MCU: variants seen among roughly 807,000 people sequenced by gnomAD.
MCU encodes calcium uniporter protein, mitochondrial.
Under a neutral mutation model 45.2 loss-of-function variants are expected in MCU, and 12 were observed. The observed-to-expected ratio is 0.27, with a 90% CI of 0.17 to 0.43. MCU has a LOEUF of 0.43. Among genes scored for constraint, MCU ranks in the 20% least tolerant of loss-of-function variants. The probability of loss-of-function intolerance (pLI) is 1.00; values close to 1 mark genes in which losing one functional copy is unlikely to be tolerated. For synonymous variants in MCU, 160 were observed against 165.1 expected, an observed-to-expected ratio of 0.97 and a Z score of 0.24; for missense variants, 324 against 436.7, an observed-to-expected ratio of 0.74 and a Z score of 2.30.
chr10:72,712,649 A>G (rs1257450212), intron 1 of MCU, among the ~76,000 whole-genome samples: 2 of 152,206 alleles, frequency 1.3e-5, no homozygotes, highest in African/African-American at 4.8e-5. Context: ...AAAGAAAAGT[A>G]AGGTCTAGAA....
chr10:72,737,667 G>A (rs1263767145), intron 1 of MCU, among the ~76,000 whole-genome samples: 4 of 151,830 alleles, frequency 2.6e-5, no homozygotes, highest in Admixed American at 6.6e-5. Flanking sequence ...CTGCAGGTGC[G>A]CACCACTATG....
chr10:72,692,330 G>C (rs913542166), intron 1 of MCU, 29 bp downstream of exon 1: 2 of 1,196,612 alleles, frequency 1.7e-6, no homozygotes, highest in Non-Finnish European at 2.1e-6. Flanking sequence ...AGGCTCCGGG[G>C]AGGGCGGGGC....
chr10:72,759,175 C>T (rs1350873904), intron 1 of MCU, among the ~76,000 whole-genome samples: 1 of 152,174 alleles, frequency 6.6e-6, no homozygotes, highest in Non-Finnish European at 1.5e-5. Flanking sequence ...GGCAAGACTC[C>T]TGTCTCGAGA....
At chr10:72,700,856 T>A (rs1000875492) in intron 1 of MCU, among the ~76,000 whole-genome samples, 2 of 152,208 alleles carry the variant, frequency 1.3e-5, no homozygotes, top group African/African-American at 4.8e-5. Flanking sequence ...TTTTTATGTA[T>A]TTTTTCTTGC....
At chr10:72,780,511 A>AGAGTGTGTGTGTGTGTGTGTGT (rs778332838) in intron 1 of MCU, among the ~76,000 whole-genome samples, 3 of 110,584 alleles carry the variant, frequency 2.7e-5, no homozygotes, top group East Asian at 7.6e-4. Flanking sequence ...TCTTTGGCTA[A>AGAGTGTGTGTGTGTGTGTGTGT]GTGTGTGTGT....
rs1435890480 is a variant in MCU, at chr10:72,704,704, A to ACTTTTTTTTTT, written c.150+12403_150+12404insCTTTTTTTTTT. ...AGGCATGCACTGTCATGCCTGGATA[A>ACTTTTTTTTTT]TTTTTTTTTTTTTTTTTTTTTTTTT... is the stretch of plus-strand genomic sequence containing the variant. On this transcript the variant is annotated intron_variant, in intron 1 of 7. Transcript: ENST00000373053. Among the ~76,000 whole-genome samples, 4 of 106,746 alleles carry ACTTTTTTTTTT rather than the reference A, an allele frequency of 3.7e-5. 1 individual carries two copies. The highest frequency in any genetic ancestry group is 1.0e-4 in the Admixed American group (1 of 10,042). 70.0% of individuals were successfully genotyped at this position (106,746 alleles called of 152,430 possible).
At chr10:72,851,917 G>A (rs897745531) in intron 2 of MCU, among the ~76,000 whole-genome samples, 1 of 152,168 alleles carries the variant, frequency 6.6e-6, no homozygotes, top group Non-Finnish European at 1.5e-5. Flanking sequence ...CAGTTTGGAG[G>A]TTAAAGGAAA....
chr10:72,766,068 C>G (rs1410798973), intron 1 of MCU, among the ~76,000 whole-genome samples: 2 of 152,056 alleles, frequency 1.3e-5, no homozygotes, highest in Non-Finnish European at 2.9e-5. Context: ...GGGGGTCTCA[C>G]TGTTTTGCGG....
chr10:72,857,590 A>G (rs906597334), intron 2 of MCU, among the ~76,000 whole-genome samples: 3 of 151,998 alleles, frequency 2.0e-5, no homozygotes, highest in African/African-American at 7.2e-5. Flanking sequence ...TATATAATAC[A>G]CCCAAAATTA....
At chr10:72,792,255 G>A (rs1844172109) in intron 1 of MCU, among the ~76,000 whole-genome samples, 1 of 152,170 alleles carries the variant, frequency 6.6e-6, no homozygotes, top group Non-Finnish European at 1.5e-5. Flanking sequence ...AGAAGTGACA[G>A]ACAAAATCAT....
intron 1 of MCU, among the ~76,000 whole-genome samples, chr10:72,778,323 A>C (rs1330024873): frequency 6.6e-6 from 1 of 152,258 alleles, no homozygotes; most frequent in Non-Finnish European, 1.5e-5. Context: ...GTATATATAC[A>C]CAATGGGATA....
At chr10:72,856,681 T>A (rs1280809010) in intron 2 of MCU, among the ~76,000 whole-genome samples, 1 of 150,164 alleles carries the variant, frequency 6.7e-6, no homozygotes, top group East Asian at 2.0e-4. Context: ...ATGGCTTTAG[T>A]CCCAGCACTT....
At chr10:72,692,917 A>G (rs1006913762) in intron 1 of MCU, 1 of 1,502,268 alleles carries the variant, frequency 6.7e-7, no homozygotes, top group Admixed American at 2.1e-5. Flanking sequence ...CTCCCTCGAG[A>G]TGGATGCTGC....
At chr10:72,859,382 C>G in intron 3 of MCU, 35 bp downstream of exon 3, 1 of 1,554,006 alleles carries the variant, frequency 6.4e-7, no homozygotes, top group Non-Finnish European at 8.8e-7. Flanking sequence ...ACCATCTATC[C>G]CTCATTTCAC....
chr10:72,828,229 A>T (rs1051998228), intron 1 of MCU, among the ~76,000 whole-genome samples: 1 of 152,188 alleles, frequency 6.6e-6, no homozygotes, highest in Non-Finnish European at 1.5e-5. Context: ...GGGAAATGTA[A>T]CAGGGAGATA....
intron 1 of MCU, among the ~76,000 whole-genome samples, chr10:72,774,379 C>CTCA (rs765226706): frequency 2.6e-5 from 4 of 151,918 alleles, no homozygotes; most frequent in Admixed American, 1.3e-4. Context: ...TTTTGTAAGC[C>CTCA]TCATGGTAAC....
At chr10:72,790,438 A>C (rs1006424066) in intron 1 of MCU, among the ~76,000 whole-genome samples, 1 of 152,174 alleles carries the variant, frequency 6.6e-6, no homozygotes, top group African/African-American at 2.4e-5. Flanking sequence ...GCCTAAACAA[A>C]CATCTAAAGA....
chr10:72,699,401 G>A (rs1842728469), intron 1 of MCU, among the ~76,000 whole-genome samples: 1 of 151,896 alleles, frequency 6.6e-6, no homozygotes, highest in Admixed American at 6.6e-5. Context: ...CAACTACTCG[G>A]GAGGCTGAGG....
intron 5 of MCU, among the ~76,000 whole-genome samples, chr10:72,870,737 G>A (rs993917714): frequency 1.3e-5 from 2 of 152,088 alleles, no homozygotes; most frequent in South Asian, 2.1e-4. Context: ...AGATTAAATC[G>A]TGTATGCAAC....
Sources: allele counts gnomAD v4.1 joint callset (sites outside exome capture counted in the v4.1 genomes callset), GRCh38; gene constraint gnomAD v4.1.1; transcripts MANE v1.5; gene names NCBI Gene and HGNC (gene_info 2026-07-23, HGNC 2026-07-21).